The following CNTNAP2 variants were observed in gnomAD, a reference collection of about 807,000 sequenced individuals.
CNTNAP2 encodes contactin associated protein 2.
In CNTNAP2, 98 loss-of-function variants were observed where a neutral mutation model predicts 155.2. That is an observed-to-expected ratio of 0.63 (90% CI 0.54 to 0.75). The LOEUF is 0.75. Ranked by LOEUF, CNTNAP2 falls within the 30% of genes least tolerant of loss-of-function variation. The pLI is 0.00. For synonymous variants in CNTNAP2, 651 were observed against 631.2 expected, an observed-to-expected ratio of 1.03 and a Z score of -0.47; for missense variants, 1,727 against 1,688.1, an observed-to-expected ratio of 1.02 and a Z score of -0.40.
At chr7:146,675,248 C>T (rs138964617) in intron 1 of CNTNAP2, among the ~76,000 whole-genome samples, 8 of 152,150 alleles carry the variant, frequency 5.3e-5, no homozygotes, top group East Asian at 3.9e-4. Context: ...GGCCTTCTCC[C>T]GCTGTTTTTT....
Position 146,592,835 on chromosome 7 carries a change from C to T in CNTNAP2, c.98-181436C>T, listed in dbSNP as rs548285878. Among the ~76,000 whole-genome samples the T allele has an allele frequency of 5.9e-5, 9 of 152,178 alleles. No individual in the cohort carries two copies. The South Asian group carries it at 6.2e-4, about 11-fold the overall frequency. ...ATGGGGTTTATTTGATGGGGACATACGGGACAGTCCAGTGGTGGCAGGCTG... is the reference window on the plus strand; with the variant it reads ...ATGGGGTTTATTTGATGGGGACATATGGGACAGTCCAGTGGTGGCAGGCTG... On this transcript the variant is annotated intron_variant, in intron 1 of 23. Transcript: ENST00000361727.
chr7:147,737,831 T>C (rs1468422284), intron 13 of CNTNAP2, among the ~76,000 whole-genome samples: 1 of 152,222 alleles, frequency 6.6e-6, no homozygotes, highest in Non-Finnish European at 1.5e-5. Flanking sequence ...GTGCGGGATG[T>C]AATCTCCTAG....
At chr7:146,348,357 G>A (rs889076778) in intron 1 of CNTNAP2, among the ~76,000 whole-genome samples, 68 of 152,136 alleles carry the variant, frequency 4.5e-4, no homozygotes, top group Non-Finnish European at 1.9e-4. Context: ...CCTGGGAAGT[G>A]AAGGTTGCAG....
Position 148,370,565 on chromosome 7 carries a change from C to A in CNTNAP2, c.3476-13084C>A, listed in dbSNP as rs537019201. 2.4e-4 allele frequency among the ~76,000 whole-genome samples: 37 copies of A among 152,254 alleles called. No individual in the cohort carries two copies. In the East Asian group the frequency reaches 7.0e-3, roughly 29 times the overall value. ...ACACAGGGTGAAGTGAGGCAGCCTT[C>A]CCCTCTTCCGCACAGTGCCACACAG... On this transcript the variant is annotated intron_variant, in intron 21 of 23. Coordinates refer to ENST00000361727, the MANE Select transcript of CNTNAP2 (RefSeq NM_014141.6).
chr7:148,178,307 C>T (rs535393137), intron 18 of CNTNAP2, among the ~76,000 whole-genome samples: 3 of 152,290 alleles, frequency 2.0e-5, no homozygotes, highest in African/African-American at 7.2e-5. Flanking sequence ...AAACCATTTT[C>T]TGAGTTAGGG....
intron 21 of CNTNAP2, among the ~76,000 whole-genome samples, chr7:148,270,789 G>T (rs1563019857): frequency 6.6e-6 from 1 of 152,196 alleles, no homozygotes; most frequent in African/African-American, 2.4e-5. Context: ...GAATCAGGCA[G>T]AGCTTGTTAG....
chr7:147,571,823 A>C (rs980050921), intron 12 of CNTNAP2, among the ~76,000 whole-genome samples: 1 of 151,698 alleles, frequency 6.6e-6, no homozygotes, highest in African/African-American at 2.4e-5. Context: ...ACTCATTTTT[A>C]TTTCTTTCTC....
chr7:147,365,383 GAAA>G (rs10557373), intron 9 of CNTNAP2, among the ~76,000 whole-genome samples: 30,711 of 95,350 alleles, frequency 0.32, 3,807 homozygotes, highest in Middle Eastern at 0.42. Flanking sequence ...ATCTCAAAAA[GAAA>G]AAAAAAAAAA....
intron 3 of CNTNAP2, among the ~76,000 whole-genome samples, chr7:147,010,225 GTC>G (rs1485263815): frequency 2.0e-5 from 3 of 151,858 alleles, no homozygotes; most frequent in African/African-American, 7.3e-5. Context: ...GGCCAGGCTG[GTC>G]TTGAACTCCT....
chr7:146,209,790 C>A (rs1799005642), intron 1 of CNTNAP2, among the ~76,000 whole-genome samples: 1 of 152,078 alleles, frequency 6.6e-6, no homozygotes, highest in African/African-American at 2.4e-5. Flanking sequence ...ATCTATAGAA[C>A]AGCTTTCTTT....
intron 12 of CNTNAP2, among the ~76,000 whole-genome samples, chr7:147,582,389 G>T (rs370952426): frequency 2.0e-5 from 3 of 152,066 alleles, no homozygotes; most frequent in East Asian, 3.9e-4. Flanking sequence ...TGAGAGGCAG[G>T]TTGCAGCCCC....
chr7:147,131,246 A>ATATACATATACCATACACATG (rs1801351887), intron 7 of CNTNAP2, among the ~76,000 whole-genome samples: 1 of 151,466 alleles, frequency 6.6e-6, no homozygotes, highest in African/African-American at 2.4e-5. Flanking sequence ...TACCATATAC[A>ATATACATATACCATACACATG]TATACCATAT....
intron 12 of CNTNAP2, among the ~76,000 whole-genome samples, chr7:147,615,099 A>T (rs2116882969): frequency 6.7e-6 from 1 of 148,726 alleles, no homozygotes; most frequent in South Asian, 2.1e-4. Flanking sequence ...ATCAAAAAAA[A>T]AAAAAAGAAA....
chr7:146,441,772 T>C (rs1179757724), intron 1 of CNTNAP2, among the ~76,000 whole-genome samples: 1 of 151,338 alleles, frequency 6.6e-6, no homozygotes, highest in Non-Finnish European at 1.5e-5. Context: ...CGCTCCTGGG[T>C]CTCCAGCTGG....
At chr7:147,979,241 C>G (rs1801482680) in intron 15 of CNTNAP2, among the ~76,000 whole-genome samples, 1 of 152,152 alleles carries the variant, frequency 6.6e-6, no homozygotes, top group African/African-American at 2.4e-5. Context: ...AGATCTTTAT[C>G]ACGCACTTAT....
At chr7:147,407,497 A>AGG (rs1563193018) in intron 10 of CNTNAP2, among the ~76,000 whole-genome samples, 1 of 116,338 alleles carries the variant, frequency 8.6e-6, no homozygotes. Context: ...AAAAAAAAAA[A>AGG]AAAAAAAGAA....
chr7:148,010,744 A>T (rs1022405907), intron 15 of CNTNAP2, among the ~76,000 whole-genome samples: 1 of 151,848 alleles, frequency 6.6e-6, no homozygotes. Context: ...GAGATTTCAC[A>T]TTCACCCTCT....
intron 1 of CNTNAP2, among the ~76,000 whole-genome samples, chr7:146,650,798 T>C (rs969876178): frequency 1.3e-5 from 2 of 152,152 alleles, no homozygotes; most frequent in African/African-American, 4.8e-5. Context: ...ATAGTGCTAA[T>C]AATCAGATAT....
intron 1 of CNTNAP2, among the ~76,000 whole-genome samples, chr7:146,485,613 A>T (rs974103608): frequency 2.6e-5 from 4 of 152,154 alleles, no homozygotes; most frequent in African/African-American, 7.2e-5. Flanking sequence ...AATATAGAGA[A>T]AAGATAATCC....
Sources: gnomAD v4.1 joint callset for allele counts (sites outside exome capture counted in the v4.1 genomes callset) on GRCh38, gnomAD v4.1.1 for gene constraint, MANE v1.5 for transcripts, NCBI Gene and HGNC (gene_info 2026-07-23, HGNC 2026-07-21) for gene names.